CRTAC1: variants seen among roughly 807,000 people sequenced by gnomAD.
CRTAC1 encodes the protein cartilage acidic protein 1.
In CRTAC1, 37 loss-of-function variants were observed where a neutral mutation model predicts 67.8. The ratio of observed to expected loss-of-function variants is 0.55; its 90% CI spans 0.42 to 0.72. The LOEUF (loss-of-function observed/expected upper bound fraction) is 0.72. CRTAC1 is among the 30% of genes least tolerant of loss of function. The pLI is 0.00. For missense variants in CRTAC1, 780 were observed against 931.6 expected (o/e 0.84, Z 2.12); for synonymous variants, 348 against 371.0 (o/e 0.94, Z 0.71).
rs533396140 is a variant in CRTAC1 at position 98,016,995 on chromosome 10, C to T, written c.25-5658G>A. On this transcript the variant is annotated intron_variant, in intron 1 of 14. Transcript: ENST00000370597. ...TTTGTGTGGCTGACTCAGGGAGCCT[C>T]TTGTCACACCACTGTGAACATCTGA... Among the ~76,000 whole-genome samples the T allele has an allele frequency of 2.0e-5, 3 of 152,248 alleles. No homozygotes were observed. In the South Asian group the frequency reaches 6.2e-4, roughly 32 times the overall value.
chr10:97,953,360 T>C (rs533358), intron 2 of CRTAC1, among the ~76,000 whole-genome samples: 69,887 of 151,734 alleles, frequency 0.46, 16,905 homozygotes, highest in African/African-American at 0.61. Flanking sequence ...AACCAGCCAG[T>C]ATCTTTTGAA....
chr10:97,916,267 C>T (rs775477503), intron 5 of CRTAC1, among the ~76,000 whole-genome samples: 2 of 152,074 alleles, frequency 1.3e-5, no homozygotes, highest in Non-Finnish European at 2.9e-5. Context: ...TAGGCTGAAG[C>T]GCCTGCATGT....
At chr10:97,904,361 C>T (rs1375333733) in intron 7 of CRTAC1, among the ~76,000 whole-genome samples, 2 of 152,124 alleles carry the variant, frequency 1.3e-5, no homozygotes, top group Admixed American at 6.5e-5. Context: ...GCCGGGGCAC[C>T]CCTGCAGTGG....
chr10:97,968,031 T>G (rs1270087683), intron 2 of CRTAC1, among the ~76,000 whole-genome samples: 1 of 152,130 alleles, frequency 6.6e-6, no homozygotes. Context: ...GGTAGGAAAT[T>G]TATGGGATTT....
At chr10:98,005,100 A>ATATATATTTTTTTTTTTT in intron 2 of CRTAC1, among the ~76,000 whole-genome samples, 3 of 48,884 alleles carry the variant, frequency 6.1e-5, no homozygotes, top group African/African-American at 2.3e-4. Context: ...ATATATATAT[A>ATATATATTTTTTTTTTTT]TTTTTTTTTT....
chr10:97,930,730 A>G (rs1336055424), intron 3 of CRTAC1, among the ~76,000 whole-genome samples: 1 of 152,118 alleles, frequency 6.6e-6, no homozygotes, highest in Non-Finnish European at 1.5e-5. Flanking sequence ...AAGAGGCTGG[A>G]AGTACCACCC....
Position 97,880,279 on chromosome 10 carries a change from C to T in CRTAC1, c.1789G>A (p.Glu597Lys), listed in dbSNP as rs564565150. 46 of 1,614,182 alleles carry T rather than the reference C, an allele frequency of 2.8e-5. No homozygotes were observed. The Middle Eastern group carries it at 9.9e-4, about 35-fold the overall frequency. The change falls in exon 14 of 15, where the codon GAG (glutamate) becomes AAG (lysine). Residue 597 changes from glutamate (E) to lysine (K), a missense_variant. Physicochemically the swap from Glu to Lys is moderately conservative, Grantham distance 56. Transcript: ENST00000370597. ...RTNKKCSRGYEPNEDGTACVG... is the reference protein window; with the variant it reads ...RTNKKCSRGYKPNEDGTACVG... The stretch of plus-strand genomic sequence containing the variant: ...CAGGCTGTGCCATCCTCGTTGGGCT[C>T]GTAGCCCCGACTGCACTTCTTGTTG...
At chr10:97,880,195 C>T in intron 14 of CRTAC1, 54 bp downstream of exon 14, 1 of 1,598,194 alleles carries the variant, frequency 6.3e-7, no homozygotes, top group Non-Finnish European at 8.6e-7. Flanking sequence ...CCAGAGCTCC[C>T]CAGTGGAAAG....
At chr10:97,932,508 T>C (rs1372651388) in intron 3 of CRTAC1, among the ~76,000 whole-genome samples, 1 of 151,798 alleles carries the variant, frequency 6.6e-6, no homozygotes, top group Non-Finnish European at 1.5e-5. Context: ...TGAAGGAAAA[T>C]AAAGCCAGTT....
intron 2 of CRTAC1, among the ~76,000 whole-genome samples, chr10:97,942,978 G>A (rs1236736475): frequency 6.6e-6 from 1 of 151,930 alleles, no homozygotes; most frequent in Non-Finnish European, 1.5e-5. Flanking sequence ...AGGCTGAGGT[G>A]GGAGGACTGC....
chr10:97,877,871 T>G (rs958811593), intron 14 of CRTAC1, among the ~76,000 whole-genome samples: 2 of 152,262 alleles, frequency 1.3e-5, no homozygotes, highest in African/African-American at 4.8e-5. Context: ...AACCCCCTGA[T>G]GTCCTTGGCA....
chr10:97,943,774 A>C (rs965962018), intron 2 of CRTAC1, among the ~76,000 whole-genome samples: 1 of 152,250 alleles, frequency 6.6e-6, no homozygotes, highest in Non-Finnish European at 1.5e-5. Flanking sequence ...TCACTTATGT[A>C]CTATCTATGG....
intron 2 of CRTAC1, among the ~76,000 whole-genome samples, chr10:98,006,043 C>T (rs900123580): frequency 5.9e-5 from 9 of 152,152 alleles, no homozygotes; most frequent in Non-Finnish European, 1.2e-4. Context: ...ATGATTTAAA[C>T]TTTACAACCA....
At chr10:98,001,741 C>G (rs760140887) in intron 2 of CRTAC1, among the ~76,000 whole-genome samples, 1 of 152,170 alleles carries the variant, frequency 6.6e-6, no homozygotes, top group Non-Finnish European at 1.5e-5. Flanking sequence ...TGGGAATGTT[C>G]GTTTTTAGCT....
intron 1 of CRTAC1, among the ~76,000 whole-genome samples, chr10:98,014,770 G>A (rs755499060): frequency 6.6e-6 from 1 of 152,212 alleles, no homozygotes; most frequent in Non-Finnish European, 1.5e-5. Flanking sequence ...CCATTAGGAT[G>A]GCTGTAATAA....
intron 2 of CRTAC1, among the ~76,000 whole-genome samples, chr10:98,006,047 A>G (rs998744854): frequency 6.6e-6 from 1 of 152,362 alleles, no homozygotes; most frequent in Middle Eastern, 3.4e-3. Flanking sequence ...TTTAAACTTT[A>G]CAACCACTAC....
rs1178375255 is a variant in CRTAC1 at position 97,901,084 on chromosome 10, CCG to C, written c.1133+417_1133+418del. 7.0e-4 allele frequency among the ~76,000 whole-genome samples: 93 copies of C among 132,272 alleles called. 1 individual carries two copies. Among genetic ancestry groups the C allele is most frequent in the African/African-American group, 2.3e-3 (72 of 30,940 alleles). 86.8% of individuals were successfully genotyped at this position (132,272 alleles called of 152,430 possible). A position where few individuals can be genotyped will look rare whatever the true frequency, so the allele number is the denominator to read the frequency against. On this transcript the variant is annotated intron_variant, in intron 8 of 14. Coordinates refer to ENST00000370597, the MANE Select transcript of CRTAC1 (RefSeq NM_018058.7). Reference sequence around the variant, plus strand: ...CCCTTTTCCTGGTAGTGATTGGACCCCGTAGCCCCTTTTCCTGGTAGTGATTG... The same window carrying C: ...CCCTTTTCCTGGTAGTGATTGGACCCTAGCCCCTTTTCCTGGTAGTGATTG...
intron 11 of CRTAC1, among the ~76,000 whole-genome samples, chr10:97,891,391 G>GC (rs1343032291): frequency 6.6e-6 from 1 of 152,204 alleles, no homozygotes; most frequent in African/African-American, 2.4e-5. Context: ...GTCTCCTTAG[G>GC]CCCTCGTCCA....
intron 14 of CRTAC1, chr10:97,870,094 G>C (rs1261079262): frequency 1.3e-5 from 2 of 152,198 alleles, no homozygotes; most frequent in African/African-American, 4.8e-5. Flanking sequence ...CAACCTTGGT[G>C]GCAATGGATG....
Sources: gnomAD v4.1 joint callset for allele counts (sites outside exome capture counted in the v4.1 genomes callset) on GRCh38, gnomAD v4.1.1 for gene constraint, MANE v1.5 for transcripts, NCBI Gene and HGNC (gene_info 2026-07-23, HGNC 2026-07-21) for gene names.